The following USP36 variants were observed in gnomAD, a reference collection of about 807,000 sequenced individuals.
The protein encoded by USP36 is ubiquitin specific peptidase 36, also known as ubiquitin carboxyl-terminal hydrolase 36.
Under a neutral mutation model 111.5 loss-of-function variants are expected in USP36, and 59 were observed. The ratio of observed to expected loss-of-function variants is 0.53; its 90% CI spans 0.43 to 0.66. The LOEUF is 0.66. Among genes scored for constraint, USP36 ranks in the 30% least tolerant of loss-of-function variants. USP36 has a pLI of 0.00. For synonymous variants in USP36, 628 were observed against 581.0 expected (o/e 1.08, Z -1.16); for missense variants, 1,488 against 1,468.0 (o/e 1.01, Z -0.22).
rs375588270 is a variant in USP36 at position 78,803,346 on chromosome 17, G to A, written c.2810+39C>T. ...ATTCTGTGGTTTTGCTTTGTTTCTC[G>A]TCAGAGGTAGACAGATGCCACTTTG... On this transcript the variant is annotated intron_variant, in intron 16 of 20. Coordinates refer to ENST00000449938, the MANE Select transcript of USP36 (RefSeq NM_001385174.1). The surrounding 1 kb of genome is among the most constrained non-coding windows in gnomAD (Gnocchi z 4.6). 2.4e-5 allele frequency: 38 copies of A among 1,576,536 alleles called. No homozygotes were observed. Among genetic ancestry groups the A allele is most frequent in the East Asian group, 2.3e-4 (10 of 44,248 alleles).
intron 1 of USP36, chr17:78,840,492 G>A (rs965064027): frequency 2.0e-5 from 3 of 152,348 alleles, no homozygotes; most frequent in South Asian, 2.1e-4. Flanking sequence ...AGACCGGCGA[G>A]GACAGCCCGG....
At chr17:78,816,599 C>T (rs2094195308) in intron 10 of USP36, among the ~76,000 whole-genome samples, 2 of 151,542 alleles carry the variant, frequency 1.3e-5, no homozygotes, top group South Asian at 4.2e-4. Context: ...GCACTCTAGC[C>T]TGGGTGACAG....
At chr17:78,802,154 C>T (rs2144991131) in intron 17 of USP36, among the ~76,000 whole-genome samples, 170 bp downstream of exon 17, 1 of 148,744 alleles carries the variant, frequency 6.7e-6, no homozygotes, top group Non-Finnish European at 1.5e-5. Context: ...GGTGCACACC[C>T]ACGCGGTCCC....
chr17:78,814,354 T>A (rs1490380012), intron 11 of USP36, 58 bp downstream of exon 11: 4 of 1,599,626 alleles, frequency 2.5e-6, no homozygotes, highest in East Asian at 4.5e-5. Context: ...CGCATCTGGA[T>A]GTGCATGGGT....
intron 13 of USP36, among the ~76,000 whole-genome samples, chr17:78,811,692 AC>A (rs2094060277): frequency 6.6e-6 from 1 of 151,454 alleles, no homozygotes; most frequent in Non-Finnish European, 1.5e-5. Flanking sequence ...ATAAAGTGAA[AC>A]CCCGTCTCCA....
In USP36 at chr17:78,803,846, C is replaced by A; in HGVS notation, c.2349G>T (p.Ala783=). The part of the protein sequence containing the change: ...EPRSCSSIST[A]LPQVNEDLVS... ...CAAGGTCCTCGTTGACCTGAGGCAGCGCCGTCGAGATGGAGGAGCAGCTCC... is the reference window on the plus strand; with the variant it reads ...CAAGGTCCTCGTTGACCTGAGGCAGAGCCGTCGAGATGGAGGAGCAGCTCC... Residue 783 remains alanine (A), a synonymous_variant, in exon 16 of 21, where the codon GCG becomes GCT. Coordinates refer to ENST00000449938, the MANE Select transcript of USP36 (RefSeq NM_001385174.1). This position sits in a 1 kb window ranked among gnomAD's most constrained non-coding sequence, Gnocchi z 4.6. The A allele has an allele frequency of 1.2e-6, 2 of 1,611,654 alleles. No individual in the cohort carries two copies. Among genetic ancestry groups the A allele is most frequent in the South Asian group, 1.1e-5 (1 of 91,040 alleles).
chr17:78,798,697 G>A lies in USP36; in HGVS notation c.3241-146C>T, dbSNP rs997642455. 37 of 1,330,766 alleles carry A rather than the reference G, an allele frequency of 2.8e-5. No individual in the cohort carries two copies. The highest frequency in any genetic ancestry group is 4.0e-5 in the South Asian group (3 of 75,240). The allele number at this position is 1,330,766 out of a possible 1,614,324, so 82.4% of individuals were successfully genotyped here. A position where few individuals can be genotyped will look rare whatever the true frequency, so the allele number is the denominator to read the frequency against. ...ACTCTTCACAATGACCCCTGTGCAC[G>A]GCGACCTGCAGTCCCCCTATTGACA... On this transcript the variant is annotated intron_variant, in intron 19 of 20. Transcript: ENST00000449938. This position sits in a 1 kb window ranked among gnomAD's most constrained non-coding sequence, Gnocchi z 5.1.
intron 15 of USP36, 44 bp downstream of exon 15, chr17:78,806,111 AG>A (rs1183754437): frequency 1.1e-5 from 18 of 1,610,854 alleles, no homozygotes; most frequent in Non-Finnish European, 1.5e-5. Flanking sequence ...ACGCAACCAC[AG>A]GGAGAACCAG....
At chr17:78,804,495 C>CAAAAAA (rs10590690) in intron 15 of USP36, among the ~76,000 whole-genome samples, 4 of 136,274 alleles carry the variant, frequency 2.9e-5, no homozygotes, top group East Asian at 2.1e-4. Context: ...AAAACAAAAA[C>CAAAAAA]AAAAAAAAAA....
At chr17:78,813,191 C>A (rs2094108829) in intron 12 of USP36, among the ~76,000 whole-genome samples, 190 bp from the exon 13 acceptor site, 1 of 152,188 alleles carries the variant, frequency 6.6e-6, no homozygotes, top group African/African-American at 2.4e-5. Context: ...CCCCAAGTAT[C>A]TGCTGAATAT....
intron 12 of USP36, among the ~76,000 whole-genome samples, chr17:78,813,289 A>G (rs2094111673): frequency 6.6e-6 from 1 of 151,886 alleles, no homozygotes; most frequent in Non-Finnish European, 1.5e-5. Flanking sequence ...CACCTCAGCC[A>G]CACTCTGCAG....
chr17:78,807,510 C>G lies in USP36; in HGVS notation c.1534G>C (p.Gly512Arg), dbSNP rs1452062203. 2 of 1,613,832 alleles carry G rather than the reference C, an allele frequency of 1.2e-6. No homozygotes were observed. The highest frequency in any genetic ancestry group is 1.7e-6 in the Non-Finnish European group (2 of 1,179,900). The change falls in exon 14 of 21, where the codon GGG becomes CGG. Residue 512 changes from glycine (G) to arginine (R), a missense_variant. By Grantham distance (125) the Gly-to-Arg change is moderately radical. Transcript: ENST00000449938. ...NGCIPPKLPS[G>R]SPSPKLSQTP... Reference sequence around the variant, plus strand: ...TGGGAGAGTTTGGGGGAAGGGGACCCCGAGGGCAGCTTTGGAGGAATGCAG... The same window carrying G: ...TGGGAGAGTTTGGGGGAAGGGGACCGCGAGGGCAGCTTTGGAGGAATGCAG...
rs1242513696 is a variant in USP36 at position 78,799,778 on chromosome 17, G to A, written c.3023-10C>T. 1.9e-6 allele frequency: 3 copies of A among 1,590,130 alleles called. No homozygotes were observed. Among genetic ancestry groups the A allele is most frequent in the Non-Finnish European group, 2.6e-6 (3 of 1,171,344 alleles). On this transcript the variant is annotated splice_polypyrimidine_tract_variant and intron_variant, in intron 17 of 20. Coordinates refer to ENST00000449938, the MANE Select transcript of USP36 (RefSeq NM_001385174.1). ...GGGGCCTGGCTCAGCCCTGCAATCGGAGCAGCCAAGAAACATTTACAGACG... is the reference window on the plus strand; with the variant it reads ...GGGGCCTGGCTCAGCCCTGCAATCGAAGCAGCCAAGAAACATTTACAGACG...
At chr17:78,801,958 G>C (rs1035449469) in intron 17 of USP36, among the ~76,000 whole-genome samples, 1 of 152,120 alleles carries the variant, frequency 6.6e-6, no homozygotes, top group Non-Finnish European at 1.5e-5. Context: ...ACTCGGGGGT[G>C]GGGGGTGAAG....
chr17:78,806,625 G>A (rs1335257486), intron 14 of USP36, among the ~76,000 whole-genome samples: 4 of 152,164 alleles, frequency 2.6e-5, no homozygotes, highest in Non-Finnish European at 4.4e-5. Context: ...CCCCACCCCT[G>A]CTAGGGACAC....
chr17:78,832,899 A>T (rs1262712387), intron 4 of USP36, among the ~76,000 whole-genome samples: 1 of 152,222 alleles, frequency 6.6e-6, no homozygotes, highest in African/African-American at 2.4e-5. Context: ...CTGTAATCTC[A>T]GCACTTTCGG....
chr17:78,831,912 C>G (rs1480278323), intron 4 of USP36, among the ~76,000 whole-genome samples: 2 of 136,478 alleles, frequency 1.5e-5, no homozygotes, highest in African/African-American at 5.4e-5. Context: ...CACTGGACTC[C>G]AGCCTGCGTG....
chr17:78,793,028 C>A (rs374487136), downstream of USP36, among the ~76,000 whole-genome samples: 104 of 152,040 alleles, frequency 6.8e-4, no homozygotes, highest in African/African-American at 2.3e-3. Flanking sequence ...CTCACCCCCC[C>A]AGGAAGGCTT....
chr17:78,823,043 G>A (rs1363515384), intron 6 of USP36: 3 of 397,720 alleles, frequency 7.5e-6, no homozygotes, highest in Non-Finnish European at 1.3e-5. Context: ...TTCCACACCC[G>A]CAGGCTACAC....
Sources: allele counts gnomAD v4.1 joint callset (sites outside exome capture counted in the v4.1 genomes callset), GRCh38; gene constraint gnomAD v4.1.1; non-coding constraint Gnocchi (gnomAD v3.1); transcripts MANE v1.5; gene names NCBI Gene and HGNC (gene_info 2026-07-23, HGNC 2026-07-21).